The following ZCCHC2 variants were observed in gnomAD, a reference collection of about 807,000 sequenced individuals.
The protein encoded by ZCCHC2 is zinc finger CCHC domain-containing protein 2.
A neutral mutation model predicts 103.6 loss-of-function variants in ZCCHC2; 39 were observed. That is an observed-to-expected ratio of 0.38 (90% confidence interval 0.29 to 0.49). ZCCHC2 has a LOEUF of 0.49. Among genes scored for constraint, ZCCHC2 ranks in the 20% least tolerant of loss-of-function variants. The probability of loss-of-function intolerance (pLI) is 0.96; values close to 1 mark genes in which losing one functional copy is unlikely to be tolerated. For missense variants in ZCCHC2, 1,483 were observed against 1,491.0 expected (o/e 0.99, Z 0.09); for synonymous variants, 687 against 608.9 (o/e 1.13, Z -1.89).
At position 62,524,321 on chromosome 18, in the gene ZCCHC2, G is replaced by A. The variant is rs903609718; in HGVS notation, c.897G>A (p.Glu299=). The A allele has an allele frequency of 6.3e-5, 97 of 1,547,668 alleles. No homozygotes were observed. Among genetic ancestry groups the A allele is most frequent in the Middle Eastern group, 1.7e-4 (1 of 6,004 alleles). The stretch of plus-strand genomic sequence containing the variant: ...TCCGCGGGGGCCCCGAGGACGCGGA[G>A]GTGGAGGTAGAGCCGTGCAAGTTTG... ...AALRGGPEDA[E]VEVEPCKFAG... is the part of the protein sequence containing the mutation. The change falls in exon 1 of 14, where the codon GAG becomes GAA. Residue 299 remains glutamate, a synonymous_variant. Transcript: ENST00000269499.
At chr18:62,564,475 C>A in intron 9 of ZCCHC2, 96 bp from the exon 10 acceptor site, 2 of 903,116 alleles carry the variant, frequency 2.2e-6, no homozygotes, top group Non-Finnish European at 3.2e-6. Flanking sequence ...TTAGAATATA[C>A]AACTGGGAAT....
At chr18:62,586,250 A>G (rs1247498611) in exon 15 of ZCCHC2, 1 of 152,104 alleles carries the variant, frequency 6.6e-6, no homozygotes, top group African/African-American at 2.4e-5. Flanking sequence ...TTGGGTTTAC[A>G]GTTCTTTACG....
chr18:62,547,548 TG>T (rs1276350063), intron 4 of ZCCHC2, among the ~76,000 whole-genome samples: 1 of 150,934 alleles, frequency 6.6e-6, no homozygotes, highest in African/African-American at 2.4e-5. Flanking sequence ...TGGGTTTGTT[TG>T]TTTTTTTTTT....
intron 3 of ZCCHC2, 111 bp downstream of exon 3, chr18:62,542,685 A>G (rs1915252020): frequency 2.2e-6 from 2 of 900,794 alleles, no homozygotes; most frequent in Non-Finnish European, 3.4e-6. Flanking sequence ...GTTTGTTTTT[A>G]ATTAAGAGAA....
intron 11 of ZCCHC2, among the ~76,000 whole-genome samples, chr18:62,568,694 C>T (rs1252414826): frequency 6.6e-6 from 1 of 152,094 alleles, no homozygotes; most frequent in African/African-American, 2.4e-5. Flanking sequence ...TGAACGCTAC[C>T]CCTGAGGTTC....
Position 62,576,866 on chromosome 18 carries a change from G to A in ZCCHC2, c.*287G>A. 1 of 274,556 alleles carries A rather than the reference G, an allele frequency of 3.6e-6. No individual in the cohort carries two copies. The highest frequency in any genetic ancestry group is 6.7e-6 in the Non-Finnish European group (1 of 148,714). The allele number at this position is 274,556 out of a possible 1,614,324, so 17.0% of individuals were successfully genotyped here. ...GTGCTTTTTTTTTTTTTTTTACACT[G>A]AATACTTGCTGTGTGCAATGTTTAC... On this transcript the variant is annotated 3_prime_UTR_variant, in exon 14 of 14. Transcript: ENST00000269499.
Position 62,539,791 on chromosome 18 carries a change from A to T in ZCCHC2, c.1050A>T (p.Glu350Asp). 6.2e-7 allele frequency: 1 copy of T among 1,602,728 alleles called. No homozygotes were observed. The highest frequency in any genetic ancestry group is 1.1e-5 in the South Asian group (1 of 88,788). The change falls in exon 2 of 14, where the codon GAA (glutamate) becomes GAT (aspartate). Residue 350 changes from glutamate to aspartate, a missense_variant and splice_region_variant. Transcript: ENST00000269499. ...LTVAPHRAQR[E>D]AVHIEKIMLK... Reference sequence around the variant, plus strand: ...TGGCACCTCACAGAGCTCAGCGAGAAGGTATGCTCTCTTTTTTGTAAACTT... The same window carrying T: ...TGGCACCTCACAGAGCTCAGCGAGATGGTATGCTCTCTTTTTTGTAAACTT...
chr18:62,567,357 T>G (rs562650187), intron 11 of ZCCHC2, among the ~76,000 whole-genome samples: 123 of 152,370 alleles, frequency 8.1e-4, no homozygotes, highest in African/African-American at 2.7e-3. Context: ...AGCAGGTTGT[T>G]TGGATCTTTA....
downstream of ZCCHC2, among the ~76,000 whole-genome samples, chr18:62,582,875 G>A (rs1428091551): frequency 2.0e-5 from 3 of 152,196 alleles, no homozygotes; most frequent in Non-Finnish European, 4.4e-5. Context: ...CCAAGGCCTT[G>A]GGCAGATCAC....
chr18:62,581,469 T>C (rs1456491972), downstream of ZCCHC2, among the ~76,000 whole-genome samples: 2 of 13,074 alleles, frequency 1.5e-4, no homozygotes, highest in Admixed American at 9.8e-4. Flanking sequence ...GGACCCCTCC[T>C]GAGATGGTGT....
intron 9 of ZCCHC2, 30 bp downstream of exon 9, chr18:62,563,174 T>C (rs1373988702): frequency 6.9e-6 from 11 of 1,589,558 alleles, no homozygotes; most frequent in African/African-American, 2.7e-5. Flanking sequence ...TGGAGCTATA[T>C]AGTTAAAGCA....
chr18:62,543,632 G>T (rs765469867), intron 3 of ZCCHC2, among the ~76,000 whole-genome samples: 10 of 152,058 alleles, frequency 6.6e-5, no homozygotes, highest in African/African-American at 2.2e-4. Flanking sequence ...CATTTCCCCA[G>T]ACCGAGGACA....
intron 1 of ZCCHC2, among the ~76,000 whole-genome samples, chr18:62,528,724 G>A (rs541491805): frequency 2.0e-4 from 31 of 152,200 alleles, no homozygotes; most frequent in African/African-American, 7.5e-4. Context: ...ACTTTTAAAA[G>A]AGTTTTAACA....
rs776608021 is a variant in ZCCHC2, at chr18:62,537,450, C to T, written c.940-2231C>T. Among the ~76,000 whole-genome samples the T allele has an allele frequency of 9.2e-5, 14 of 152,298 alleles. No individual in the cohort carries two copies. The South Asian group carries it at 2.3e-3, about 25-fold the overall frequency. On this transcript the variant is annotated intron_variant, in intron 1 of 13. Transcript: ENST00000269499. ...CCTCCCAAAGTGCTGGGATTGCAGGCGTGAGCTACCACACCTAGCCACTAT... is the reference window on the plus strand; with the variant it reads ...CCTCCCAAAGTGCTGGGATTGCAGGTGTGAGCTACCACACCTAGCCACTAT...
intron 7 of ZCCHC2, among the ~76,000 whole-genome samples, chr18:62,559,124 G>A (rs188530762): frequency 6.6e-6 from 1 of 152,274 alleles, no homozygotes; most frequent in Admixed American, 6.5e-5. Flanking sequence ...TGTTAATTTG[G>A]GAGGAGAAGC....
exon 15 of ZCCHC2, chr18:62,586,110 T>TC (rs1335067805): frequency 6.6e-6 from 1 of 151,532 alleles, no homozygotes; most frequent in Non-Finnish European, 1.5e-5. Flanking sequence ...CCTTTTTTTT[T>TC]TTTTTTTACC....
chr18:62,558,045 A>G (rs1915967482), intron 6 of ZCCHC2, among the ~76,000 whole-genome samples: 1 of 150,408 alleles, frequency 6.6e-6, no homozygotes, highest in Non-Finnish European at 1.5e-5. Context: ...TGATAGCTTT[A>G]TCTTTTTATT....
intron 2 of ZCCHC2, 51 bp downstream of exon 2, chr18:62,539,843 A>G: frequency 7.1e-7 from 1 of 1,415,274 alleles, no homozygotes; most frequent in Non-Finnish European, 9.8e-7. Context: ...AAAAGATTAC[A>G]GGGTGCTCTT....
In ZCCHC2 at chr18:62,523,758, C is replaced by G. The variant is rs548199561; in HGVS notation, c.334C>G (p.Leu112Val). The stretch of plus-strand genomic sequence containing the variant: ...GCTGGTGCTGGGCTCGGCGCAGCGC[C>G]TGGAGTTCATGTGCGGGCTGCTGGA... ...FGLVLGSAQR[L>V]EFMCGLLDLC... Residue 112 changes from leucine (L) to valine (V), a missense_variant, in exon 1 of 14, where the codon CTG (leucine) becomes GTG (valine). Physicochemically the swap from Leu to Val is conservative, Grantham distance 32 (BLOSUM62 1). Around this residue, in one of 3 missense-constraint regions of ZCCHC2, gnomAD observed 568 missense variants for 525.1 expected, o/e 1.08. Coordinates refer to ENST00000269499, the MANE Select transcript of ZCCHC2 (RefSeq NM_017742.6). The G allele has an allele frequency of 6.5e-7, 1 of 1,532,996 alleles. No homozygotes were observed. Among genetic ancestry groups the G allele is most frequent in the South Asian group, 1.2e-5 (1 of 83,704 alleles). The allele number at this position is 1,532,996 out of a possible 1,614,324, so 95.0% of individuals were successfully genotyped here.
Sources: gnomAD v4.1 joint callset for allele counts (sites outside exome capture counted in the v4.1 genomes callset) on GRCh38, gnomAD v4.1.1 for gene constraint, gnomAD v4.1.1 regional missense constraint, MANE v1.5 for transcripts, NCBI Gene and HGNC (gene_info 2026-07-23, HGNC 2026-07-21) for gene names.